Variants in ETFB observed in about 807,000 individuals in gnomAD.
The protein encoded by ETFB is beta-ETF.
Under a neutral mutation model 25.6 loss-of-function variants are expected in ETFB, and 20 were observed. That is an observed-to-expected ratio of 0.78 (90% CI 0.55 to 1.14). The LOEUF (loss-of-function observed/expected upper bound fraction) is 1.14. Among genes scored for constraint, ETFB ranks in the 50% most tolerant of loss-of-function variants. The probability of loss-of-function intolerance (pLI) is 0.00; values close to 1 mark genes in which losing one functional copy is unlikely to be tolerated. For missense variants in ETFB, 286 were observed against 342.6 expected, an observed-to-expected ratio of 0.83 and a Z score of 1.30; for synonymous variants, 142 against 146.7, an observed-to-expected ratio of 0.97 and a Z score of 0.23.
intron 1 of ETFB, chr19:51,355,430 A>C (rs575820156): frequency 5.9e-5 from 9 of 152,366 alleles, no homozygotes; most frequent in Admixed American, 4.6e-4. Context: ...ATCATTAAAA[A>C]GTCAGGAAAG....
intron 3 of ETFB, among the ~76,000 whole-genome samples, chr19:51,352,057 T>A (rs1985944586): frequency 6.6e-6 from 1 of 151,876 alleles, no homozygotes; most frequent in Non-Finnish European, 1.5e-5. Flanking sequence ...GCAGAGGTGG[T>A]GCCCGAGGGT....
In ETFB at chr19:51,351,463, G is replaced by A. The variant is rs575548536; in HGVS notation, c.376-1072C>T. ...GTGAATCTGCTTCCTAGAACAAACAGCATCCTGACCAGTTCATCCGGCATT... is the reference window on the plus strand; with the variant it reads ...GTGAATCTGCTTCCTAGAACAAACAACATCCTGACCAGTTCATCCGGCATT... On this transcript the variant is annotated intron_variant, in intron 3 of 5. Coordinates refer to ENST00000309244, the MANE Select transcript of ETFB (RefSeq NM_001985.3). Among the ~76,000 whole-genome samples, 15 of 152,358 alleles carry A rather than the reference G, an allele frequency of 9.8e-5. 1 individual carries two copies. The highest frequency in any genetic ancestry group is 3.6e-4 in the African/African-American group (15 of 41,602).
chr19:51,348,171 T>A (rs1985842969), intron 4 of ETFB: 1 of 152,202 alleles, frequency 6.6e-6, no homozygotes, highest in Non-Finnish European at 1.5e-5. Flanking sequence ...ATCCCAGCAC[T>A]TTGAGGGGCC....
At position 51,364,875 on chromosome 19, in the gene ETFB, T is replaced by C. The variant is rs148128305; in HGVS notation, c.57+1395A>G. Among the ~76,000 whole-genome samples the C allele has an allele frequency of 3.6e-3, 552 of 152,220 alleles. 6 individuals carry two copies. The highest frequency in any genetic ancestry group is 0.013 in the African/African-American group (530 of 41,532). On this transcript the variant is annotated intron_variant, in intron 1 of 5. Coordinates refer to ENST00000309244, the MANE Select transcript of ETFB (RefSeq NM_001985.3). ...GATCTGACAGGCCTCAGTTTCCTCA[T>C]CTATCCAATGGAATTAATAATACAA...
At position 51,364,963 on chromosome 19, in the gene ETFB, C is replaced by T. The variant is rs189242148; in HGVS notation, c.57+1307G>A. Among the ~76,000 whole-genome samples, 622 of 152,164 alleles carry T rather than the reference C, an allele frequency of 4.1e-3. 4 individuals carry two copies. The highest frequency in any genetic ancestry group is 5.8e-3 in the Non-Finnish European group (391 of 67,990). On this transcript the variant is annotated intron_variant, in intron 1 of 5. Transcript: ENST00000309244. ...CAGCACTTTGGGGGGCCGAGGCAGG[C>T]GGGTGGATCACCTGAGGTCTGGAGT...
At chr19:51,366,232 G>C (rs1986361845) in intron 1 of ETFB, 38 bp downstream of exon 1, 11 of 1,600,590 alleles carry the variant, frequency 6.9e-6, no homozygotes, top group Non-Finnish European at 9.4e-6. Context: ...GCACACGGCT[G>C]CGGGACTCAG....
At chr19:51,353,646 C>CTAT (rs1568467796) in intron 2 of ETFB, among the ~76,000 whole-genome samples, 47 of 91,742 alleles carry the variant, frequency 5.1e-4, no homozygotes, top group East Asian at 9.2e-4. Context: ...GGAGTCCGGG[C>CTAT]CCCCATCCCC....
chr19:51,358,788 G>A (rs1293344053), intron 1 of ETFB, among the ~76,000 whole-genome samples: 7 of 150,360 alleles, frequency 4.7e-5, no homozygotes, highest in African/African-American at 1.2e-4. Flanking sequence ...CAGCCTGGGC[G>A]ACAGAGCAAG....
At chr19:51,353,662 CT>C (rs1387715370) in intron 2 of ETFB, among the ~76,000 whole-genome samples, 45 of 111,512 alleles carry the variant, frequency 4.0e-4, no homozygotes, top group Admixed American at 6.4e-4. Context: ...TCCCCTCCTT[CT>C]TCAGACCCAG....
chr19:51,359,681 T>C (rs1986172782), intron 1 of ETFB, among the ~76,000 whole-genome samples: 1 of 152,212 alleles, frequency 6.6e-6, no homozygotes, highest in South Asian at 2.1e-4. Context: ...ACAGTTTAGT[T>C]ATATTACATA....
intron 1 of ETFB, among the ~76,000 whole-genome samples, chr19:51,362,162 T>TACATAC (rs1214525268): frequency 2.1e-5 from 3 of 144,546 alleles, no homozygotes; most frequent in Non-Finnish European, 3.0e-5. Flanking sequence ...CGGACACACA[T>TACATAC]ACACACACAC....
intron 1 of ETFB, among the ~76,000 whole-genome samples, chr19:51,364,202 G>C (rs1042675711): frequency 1.3e-5 from 2 of 152,142 alleles, no homozygotes; most frequent in Admixed American, 1.3e-4. Context: ...CAAGAAGGGT[G>C]GGGGGTGGAG....
At chr19:51,350,306 G>C in intron 4 of ETFB, 23 bp downstream of exon 4, 3 of 1,605,760 alleles carry the variant, frequency 1.9e-6, no homozygotes, top group Non-Finnish European at 2.6e-6. Flanking sequence ...GCCCTCAGCA[G>C]GTGCTCCCCA....
chr19:51,362,706 T>A (rs1986261796), intron 1 of ETFB, among the ~76,000 whole-genome samples: 1 of 151,790 alleles, frequency 6.6e-6, no homozygotes, highest in Non-Finnish European at 1.5e-5. Flanking sequence ...AGGCTTAGAG[T>A]GGTGAAGCAA....
chr19:51,350,223 A>G, intron 4 of ETFB, 106 bp downstream of exon 4: 4 of 1,257,276 alleles, frequency 3.2e-6, no homozygotes, highest in Non-Finnish European at 3.4e-6. Context: ...CCGAGGGAAC[A>G]GTGTTCCAGG....
In ETFB at chr19:51,354,941, T is replaced by C. The variant is rs556914944; in HGVS notation, c.58-633A>G. On this transcript the variant is annotated intron_variant, in intron 1 of 5. Transcript: ENST00000309244. ...TGCACGGGGAGGGGCGGAGCTTACC[T>C]AAAACAAACCCACGGTTACAGAAAC... 1.9e-5 allele frequency: 7 copies of C among 371,120 alleles called. No homozygotes were observed. The South Asian group carries it at 2.0e-4, about 11-fold the overall frequency. 23.0% of individuals were successfully genotyped at this position (371,120 alleles called of 1,614,324 possible).
chr19:51,345,181 G>C lies in ETFB; in HGVS notation c.*30C>G. The C allele has an allele frequency of 6.2e-7, 1 of 1,609,088 alleles. No homozygotes were observed. Among genetic ancestry groups the C allele is most frequent in the Non-Finnish European group, 8.5e-7 (1 of 1,175,466 alleles). ...AAGTTAACAGAGATAGATGTTGAGAGTCAGTTTTATTGCCATCTCTGGGAG... is the reference window on the plus strand; with the variant it reads ...AAGTTAACAGAGATAGATGTTGAGACTCAGTTTTATTGCCATCTCTGGGAG... On this transcript the variant is annotated 3_prime_UTR_variant, in exon 6 of 6. Transcript: ENST00000309244.
chr19:51,361,954 C>T (rs1986243438), intron 1 of ETFB, among the ~76,000 whole-genome samples: 1 of 152,010 alleles, frequency 6.6e-6, no homozygotes, highest in Admixed American at 6.6e-5. Context: ...CCACCCACCT[C>T]AGCCTCCCAA....
At chr19:51,348,853 AGCAC>A (rs1985862743) in intron 4 of ETFB, among the ~76,000 whole-genome samples, 1 of 152,242 alleles carries the variant, frequency 6.6e-6, no homozygotes, top group Admixed American at 6.5e-5. Context: ...ATAGAAATTT[AGCAC>A]CTGAATTGAG....
Sources: gnomAD v4.1 joint callset for allele counts (sites outside exome capture counted in the v4.1 genomes callset) on GRCh38, gnomAD v4.1.1 for gene constraint, MANE v1.5 for transcripts, NCBI Gene and HGNC (gene_info 2026-07-23, HGNC 2026-07-21) for gene names.